LRRC14B: variants seen among roughly 807,000 people sequenced by gnomAD.
The protein encoded by LRRC14B is leucine rich repeat containing 14B.
A neutral mutation model predicts 16.9 loss-of-function variants in LRRC14B; 23 were observed. That is an observed-to-expected ratio of 1.36 (90% confidence interval 0.98 to 1.92). The LOEUF (loss-of-function observed/expected upper bound fraction) is 1.92, where lower values mean the gene tolerates loss of function less well. Ranked by LOEUF, LRRC14B falls within the 30% of genes most tolerant of loss-of-function variation. LRRC14B has a pLI of 0.00. For missense variants in LRRC14B, 766 were observed against 705.7 expected (o/e 1.09, Z -0.97); for synonymous variants, 358 against 332.5 (o/e 1.08, Z -0.83).
At chr5:194,635 C>T in intron 1 of LRRC14B, 73 bp from the exon 2 acceptor site, 1 of 1,426,154 alleles carries the variant, frequency 7.0e-7, no homozygotes, top group Non-Finnish European at 9.4e-7. Context: ...ATGGGTTGTT[C>T]CCATTCGCCT....
At chr5:193,795 C>G (rs1182861498) in intron 1 of LRRC14B, among the ~76,000 whole-genome samples, 1 of 151,926 alleles carries the variant, frequency 6.6e-6, no homozygotes, top group Non-Finnish European at 1.5e-5. Context: ...GCGGGACATG[C>G]AGGTGGGTGC....
Position 192,070 on chromosome 5 carries a change from C to A in LRRC14B, c.532C>A (p.Pro178Thr). 1 of 1,546,138 alleles carries A rather than the reference C, an allele frequency of 6.5e-7. No homozygotes were observed. The highest frequency in any genetic ancestry group is 1.9e-5 in the Admixed American group (1 of 52,492). The change falls in exon 1 of 2, where the codon CCA becomes ACA. Residue 178 changes from proline (P) to threonine (T), a missense_variant. Coordinates refer to ENST00000328278, the MANE Select transcript of LRRC14B (RefSeq NM_001080478.3). ...NFEAVVQALR[P>T]AGPAPLRVHC... is the part of the protein sequence containing the mutation. ...CGAGGCGGTGGTGCAGGCTCTGAGG[C>A]CAGCGGGCCCGGCCCCTCTGCGGGT...
Position 195,119 on chromosome 5 carries a change from A to G in LRRC14B, c.1311A>G (p.Pro437=). The change falls in exon 2 of 2, where the codon CCA becomes CCG. Residue 437 remains proline (P), a synonymous_variant. Coordinates refer to ENST00000328278, the MANE Select transcript of LRRC14B (RefSeq NM_001080478.3). ...GCTACCCCGAGGGTGCCGCCTACCC[A>G]CAGGACGAGCTGGCCATGTCCAAGT... The part of the protein sequence containing the change: ...KDCYPEGAAY[P]QDELAMSKFN... 6.2e-7 allele frequency: 1 copy of G among 1,613,952 alleles called. No individual in the cohort carries two copies. The highest frequency in any genetic ancestry group is 8.5e-7 in the Non-Finnish European group (1 of 1,179,896).
In LRRC14B at chr5:192,504, G is replaced by A. The variant is rs1733826659; in HGVS notation, c.899+67G>A. ...AGAGGCAAGGAGAGATCGTCCAGGG[G>A]CCTGCTCATGTCCAAGGCCATGAGG... On this transcript the variant is annotated intron_variant, in intron 1 of 1. Transcript: ENST00000328278. 7 of 1,395,842 alleles carry A rather than the reference G, an allele frequency of 5.0e-6. No homozygotes were observed. In the South Asian group the frequency reaches 1.1e-4, roughly 23 times the overall value. The allele number at this position is 1,395,842 out of a possible 1,614,324, so 86.5% of individuals were successfully genotyped here. A position where few individuals can be genotyped will look rare whatever the true frequency, so the allele number is the denominator to read the frequency against.
chr5:193,248 C>T (rs1733844418), intron 1 of LRRC14B, among the ~76,000 whole-genome samples: 1 of 134,310 alleles, frequency 7.4e-6, no homozygotes, highest in South Asian at 2.5e-4. Flanking sequence ...GTATTGGGGT[C>T]ACCGGGTGAT....
At position 191,596 on chromosome 5, in the gene LRRC14B, C is replaced by T. The variant is rs200206960; in HGVS notation, c.58C>T (p.Gln20Ter). The change falls in exon 1 of 2, where the codon CAG (glutamine) becomes TAG (stop). Residue 20 changes from glutamine (Q) to a stop codon, truncating the protein, a stop_gained. Transcript: ENST00000328278. LOFTEE classifies it high-confidence loss of function. The stretch of plus-strand genomic sequence containing the variant: ...TGCAGAAGCTCTGGTGTCCCACCCC[C>T]AGGTGGCCCGGCAGAGCCTGGACAG... ...ISAEALVSHP[Q>*]VARQSLDSVA... 1.7e-4 allele frequency: 268 copies of T among 1,612,274 alleles called. No homozygotes were observed. The highest frequency in any genetic ancestry group is 4.9e-4 in the Middle Eastern group (3 of 6,062).
intron 1 of LRRC14B, 22 bp from the exon 2 acceptor site, chr5:194,686 C>A: frequency 6.4e-7 from 1 of 1,574,648 alleles, no homozygotes. Context: ...CTCACCTGTG[C>A]TCTTTCCCCC....
Position 195,736 on chromosome 5 carries a change from A to T in LRRC14B, c.*383A>T. The T allele has an allele frequency of 4.1e-6, 1 of 246,784 alleles. No homozygotes were observed. Among genetic ancestry groups the T allele is most frequent in the South Asian group, 6.3e-5 (1 of 15,798 alleles). 15.3% of individuals were successfully genotyped at this position (246,784 alleles called of 1,614,324 possible). On this transcript the variant is annotated 3_prime_UTR_variant, in exon 2 of 2. Transcript: ENST00000328278. ...GATGAAGCTTCAGGGGGCAGATGTG[A>T]CTGGGCTCCACAGCAGGGAGGGGGA...
In LRRC14B at chr5:195,278, G is replaced by C. The variant is rs1250622338; in HGVS notation, c.1470G>C (p.Glu490Asp). 6.2e-7 allele frequency: 1 copy of C among 1,611,922 alleles called. No homozygotes were observed. Among genetic ancestry groups the C allele is most frequent in the African/African-American group, 1.3e-5 (1 of 75,052 alleles). The part of the protein sequence containing the change: ...FDPDIQETSN[E>D]LGAFLLQAFK... ...CAGACATTCAAGAAACAAGCAATGA[G>C]CTTGGTGCTTTCTTGCTGCAAGCTT... The change falls in exon 2 of 2, where the codon GAG (glutamate) becomes GAC (aspartate). Residue 490 changes from glutamate to aspartate, a missense_variant. Glu to Asp is a conservative substitution (Grantham distance 45). Transcript: ENST00000328278.
At position 195,227 on chromosome 5, in the gene LRRC14B, C is replaced by T. The variant is rs1332092943; in HGVS notation, c.1419C>T (p.Ser473=). Residue 473 remains serine (S), a synonymous_variant, in exon 2 of 2, where the codon TCC becomes TCT. Transcript: ENST00000328278. ...LRADREDIQV[S]TPLFGSFDPD... ...CTGACCGAGAGGACATCCAAGTCTC[C>T]ACACCTCTCTTTGGAAGTTTTGACC... The T allele has an allele frequency of 2.5e-6, 4 of 1,613,556 alleles. No individual in the cohort carries two copies. The highest frequency in any genetic ancestry group is 3.3e-5 in the Admixed American group (2 of 60,012).
At chr5:193,333 T>G (rs1579349356) in intron 1 of LRRC14B, among the ~76,000 whole-genome samples, 1 of 67,828 alleles carries the variant, frequency 1.5e-5, no homozygotes, top group Non-Finnish European at 2.8e-5. Flanking sequence ...GACCTGGCAG[T>G]GGGTCTAGGG....
At position 191,956 on chromosome 5, in the gene LRRC14B, A is replaced by T. The variant is rs557911717; in HGVS notation, c.418A>T (p.Arg140Trp). The T allele has an allele frequency of 2.8e-5, 43 of 1,523,146 alleles. No homozygotes were observed. In the South Asian group the frequency reaches 5.0e-4, roughly 18 times the overall value. The allele number at this position is 1,523,146 out of a possible 1,614,324, so 94.4% of individuals were successfully genotyped here. A position where few individuals can be genotyped will look rare whatever the true frequency, so the allele number is the denominator to read the frequency against. Residue 140 changes from arginine (R) to tryptophan (W), a missense_variant, in exon 1 of 2, where the codon AGG becomes TGG. Physicochemically the swap from Arg to Trp is moderately radical, Grantham distance 101. Coordinates refer to ENST00000328278, the MANE Select transcript of LRRC14B (RefSeq NM_001080478.3). ...GTGGGGCCGCACCCAGCTGCTGGCC[A>T]GGACCTGCTGTGAGCTGCAGGCAGA... ...GRWGRTQLLA[R>W]TCCELQAEPL... is the part of the protein sequence containing the mutation.
chr5:193,683 C>T (rs974662808), intron 1 of LRRC14B, among the ~76,000 whole-genome samples: 2 of 148,262 alleles, frequency 1.3e-5, no homozygotes, highest in African/African-American at 2.5e-5. Flanking sequence ...AGGTGCCCTG[C>T]GGTGGGACCT....
At position 191,925 on chromosome 5, in the gene LRRC14B, G is replaced by A. The variant is rs1288398702; in HGVS notation, c.387G>A (p.Leu129=). The A allele has an allele frequency of 1.3e-6, 2 of 1,512,262 alleles. No homozygotes were observed. The highest frequency in any genetic ancestry group is 1.8e-6 in the Non-Finnish European group (2 of 1,133,748). 93.7% of individuals were successfully genotyped at this position (1,512,262 alleles called of 1,614,324 possible). A position where few individuals can be genotyped will look rare whatever the true frequency, so the allele number is the denominator to read the frequency against. The change falls in exon 1 of 2, where the codon CTG becomes CTA. Residue 129 remains leucine, a synonymous_variant. Transcript: ENST00000328278. The part of the protein sequence containing the change: ...QVQRCPCGRA[L]GRWGRTQLLA... Reference sequence around the variant, plus strand: ...AGCGGTGCCCGTGCGGGAGGGCGCTGGGCAGGTGGGGCCGCACCCAGCTGC... The same window carrying A: ...AGCGGTGCCCGTGCGGGAGGGCGCTAGGCAGGTGGGGCCGCACCCAGCTGC...
At chr5:194,653 C>G (rs554725372) in intron 1 of LRRC14B, 55 bp from the exon 2 acceptor site, 1 of 1,512,558 alleles carries the variant, frequency 6.6e-7, no homozygotes, top group East Asian at 2.3e-5. Context: ...CCTGAGCCCT[C>G]GGCTCCTTCC....
rs1388938347 is a variant in LRRC14B, at chr5:191,989, G to A, written c.451G>A (p.Ala151Thr). 3.9e-6 allele frequency: 6 copies of A among 1,532,718 alleles called. No individual in the cohort carries two copies. Among genetic ancestry groups the A allele is most frequent in the South Asian group, 2.4e-5 (2 of 83,882 alleles). 94.9% of individuals were successfully genotyped at this position (1,532,718 alleles called of 1,614,324 possible). The part of the protein sequence containing the change: ...TCCELQAEPL[A>T]AGRPVEVLAD... ...CTGTGAGCTGCAGGCAGAGCCCCTC[G>A]CAGCCGGGCGCCCCGTCGAGGTCCT... The change falls in exon 1 of 2, where the codon GCA becomes ACA. Residue 151 changes from alanine (A) to threonine (T), a missense_variant. Physicochemically the swap from Ala to Thr is moderately conservative, Grantham distance 58. Coordinates refer to ENST00000328278, the MANE Select transcript of LRRC14B (RefSeq NM_001080478.3).
chr5:195,225 T>A lies in LRRC14B; in HGVS notation c.1417T>A (p.Ser473Thr), dbSNP rs955386987. ...LRADREDIQV[S>T]TPLFGSFDPD... Reference sequence around the variant, plus strand: ...GGCTGACCGAGAGGACATCCAAGTCTCCACACCTCTCTTTGGAAGTTTTGA... The same window carrying A: ...GGCTGACCGAGAGGACATCCAAGTCACCACACCTCTCTTTGGAAGTTTTGA... The change falls in exon 2 of 2, where the codon TCC becomes ACC. Residue 473 changes from serine to threonine, a missense_variant. Transcript: ENST00000328278. 2 of 1,613,546 alleles carry A rather than the reference T, an allele frequency of 1.2e-6. No individual in the cohort carries two copies. Among genetic ancestry groups the A allele is most frequent in the Non-Finnish European group, 1.7e-6 (2 of 1,179,896 alleles).
At position 195,316 on chromosome 5, in the gene LRRC14B, T is replaced by TAGAAAACTTCTCC; in HGVS notation, c.1512_1524dup (p.Ala509LysfsTer62). The TAGAAAACTTCTCC allele has an allele frequency of 2.5e-6, 4 of 1,606,904 alleles. No homozygotes were observed. In the Admixed American group the frequency reaches 6.7e-5, roughly 27 times the overall value. On this transcript the variant is annotated frameshift_variant, in exon 2 of 2. Coordinates refer to ENST00000328278, the MANE Select transcript of LRRC14B (RefSeq NM_001080478.3). LOFTEE classifies it high-confidence loss of function. ...TTGCTGCAAGCTTTCAAAACTGCTC[T>TAGAAAACTTCTCC]AGAAAACTTCTCCAGAGCACTCAAA...
At chr5:194,635 C>G (rs919446853) in intron 1 of LRRC14B, 73 bp from the exon 2 acceptor site, 8 of 1,426,154 alleles carry the variant, frequency 5.6e-6, no homozygotes, top group Middle Eastern at 2.2e-4. Flanking sequence ...ATGGGTTGTT[C>G]CCATTCGCCT....
Sources: allele counts gnomAD v4.1 joint callset (sites outside exome capture counted in the v4.1 genomes callset), GRCh38; gene constraint gnomAD v4.1.1; transcripts MANE v1.5; gene names NCBI Gene and HGNC (gene_info 2026-07-23, HGNC 2026-07-21).